Variants in CCNH observed in about 807,000 individuals in gnomAD.
CCNH encodes the protein cyclin H, also known as cyclin-H.
CCNH carries 31 observed loss-of-function variants against 41.9 expected under a neutral mutation model. That is an observed-to-expected ratio of 0.74 (90% confidence interval 0.56 to 1.00). CCNH has a LOEUF of 1.00. Among genes scored for constraint, CCNH ranks in the 50% least tolerant of loss-of-function variants. The pLI, the probability that CCNH is intolerant of heterozygous loss-of-function variation, is 0.00. For synonymous variants in CCNH, 138 were observed against 136.1 expected, an observed-to-expected ratio of 1.01 and a Z score of -0.10; for missense variants, 362 against 388.4, an observed-to-expected ratio of 0.93 and a Z score of 0.57.
rs748711308 is a variant in CCNH at position 87,401,679 on chromosome 5, G to T, written c.760+23C>A. 8 of 1,435,406 alleles carry T rather than the reference G, an allele frequency of 5.6e-6. No homozygotes were observed. In the African/African-American group the frequency reaches 1.0e-4, roughly 18 times the overall value. The allele number at this position is 1,435,406 out of a possible 1,614,324, so 88.9% of individuals were successfully genotyped here. ...AGCTTTGTATTGGAAGAAACATTTT[G>T]TAAAGTGTTCTCTTTTACTTACTTT... On this transcript the variant is annotated intron_variant, in intron 6 of 8. Transcript: ENST00000256897.
At chr5:87,338,595 C>T (rs1023550801) in intron 9 of CCNH, among the ~76,000 whole-genome samples, 14 of 144,594 alleles carry the variant, frequency 9.7e-5, no homozygotes, top group Admixed American at 6.3e-4. Context: ...TGGTCTCAAA[C>T]GCCTGACCTC....
In CCNH at chr5:87,412,819, G is replaced by T. The variant is rs766703143; in HGVS notation, c.-25C>A. ...TTATGGAATCGTGACCAGGTCCAGA[G>T]GGTCTGCAGACGAGAACCCAAACGC... On this transcript the variant is annotated 5_prime_UTR_variant, in exon 1 of 9. Transcript: ENST00000256897. 3.1e-6 allele frequency: 5 copies of T among 1,609,718 alleles called. No homozygotes were observed. The highest frequency in any genetic ancestry group is 4.2e-6 in the Non-Finnish European group (5 of 1,176,590).
intron 4 of CCNH, among the ~76,000 whole-genome samples, chr5:87,407,313 AC>A (rs1246091620): frequency 1.1e-4 from 16 of 152,176 alleles, no homozygotes; most frequent in African/African-American, 3.6e-4. Context: ...AAAAGTTGAG[AC>A]TGTTCCTGTC....
chr5:87,400,307 T>A (rs1561347962), intron 6 of CCNH, among the ~76,000 whole-genome samples: 1 of 152,218 alleles, frequency 6.6e-6, no homozygotes, highest in African/African-American at 2.4e-5. Flanking sequence ...TTCCAAAAAT[T>A]ACAAATATCT....
chr5:87,331,452 C>T lies in CCNH; in HGVS notation c.*91-12555G>A, dbSNP rs1399533599. ...AGAGAGAGTGATCGGAGGCCAGGGT[C>T]CTTTGTACTTTCATTTCTTAGCCAG... On this transcript the variant is annotated intron_variant and NMD_transcript_variant, in intron 9 of 9. Transcript: ENST00000645953. The T allele has an allele frequency of 6.8e-6, 11 of 1,613,828 alleles. No homozygotes were observed. Among genetic ancestry groups the T allele is most frequent in the African/African-American group, 1.3e-5 (1 of 75,022 alleles).
intron 9 of CCNH, among the ~76,000 whole-genome samples, chr5:87,346,182 A>G (rs1052676150): frequency 1.3e-5 from 2 of 152,044 alleles, no homozygotes; most frequent in East Asian, 3.9e-4. Flanking sequence ...TGATGGTGCT[A>G]TCCACTCATT....
chr5:87,394,226 T>C, downstream of CCNH: 1 of 1,200,956 alleles, frequency 8.3e-7, no homozygotes, highest in African/African-American at 1.6e-5. Flanking sequence ...TTTAATTTGA[T>C]ATTAGTCACG....
At chr5:87,351,324 A>C (rs1759259412) in intron 9 of CCNH, among the ~76,000 whole-genome samples, 1 of 151,766 alleles carries the variant, frequency 6.6e-6, no homozygotes, top group Admixed American at 6.6e-5. Flanking sequence ...ATTAGTGCTC[A>C]GGTTTATTAG....
upstream of CCNH, among the ~76,000 whole-genome samples, chr5:87,377,568 T>G (rs911161894): frequency 1.3e-5 from 2 of 152,000 alleles, no homozygotes; most frequent in Non-Finnish European, 2.9e-5. Context: ...AACTCCTGAC[T>G]TCAGGTGATC....
At chr5:87,324,413 C>T (rs996079267) in intron 9 of CCNH, among the ~76,000 whole-genome samples, 3 of 152,086 alleles carry the variant, frequency 2.0e-5, no homozygotes, top group African/African-American at 7.2e-5. Flanking sequence ...AAAAACTTCA[C>T]AATCATGGTT....
chr5:87,321,585 A>T (rs1328952127), intron 9 of CCNH, among the ~76,000 whole-genome samples: 1 of 152,224 alleles, frequency 6.6e-6, no homozygotes, highest in African/African-American at 2.4e-5. Flanking sequence ...ATTATGAAGG[A>T]TATGTTAAAG....
Position 87,411,294 on chromosome 5 carries a change from CAG to C in CCNH, c.168_169del (p.Cys57GlnfsTer4), listed in dbSNP as rs1355334422. 1.2e-5 allele frequency: 19 copies of C among 1,612,432 alleles called. No individual in the cohort carries two copies. In the African/African-American group the frequency reaches 1.5e-4, roughly 12 times the overall value. On this transcript the variant is annotated frameshift_variant, in exon 2 of 9. Transcript: ENST00000256897. LOFTEE classifies it high-confidence loss of function. ...CAATAACCTTTTCTCATAGTATTTG[CAG>C]AGTGTCATTTCTTCATGAGGCTCAA... is the stretch of plus-strand genomic sequence containing the variant.
chr5:87,321,277 G>A (rs1446505469), intron 9 of CCNH, among the ~76,000 whole-genome samples: 2 of 152,150 alleles, frequency 1.3e-5, no homozygotes, highest in Non-Finnish European at 2.9e-5. Context: ...TCAACACAGA[G>A]GACTTCTGTG....
rs973113312 is a variant in CCNH at position 87,324,957 on chromosome 5, A to AT, written c.*91-6061dup. On this transcript the variant is annotated intron_variant and NMD_transcript_variant, in intron 9 of 9. Coordinates refer to the CCNH transcript ENST00000645953. The stretch of plus-strand genomic sequence containing the variant: ...AATCAGTTGCTTTTTTAATTTTTTT[A>AT]TTTTTTTTTAACCTTTAGCAGACTG... Among the ~76,000 whole-genome samples the AT allele has an allele frequency of 5.4e-4, 82 of 150,920 alleles. 1 individual carries two copies. The highest frequency in any genetic ancestry group is 1.9e-4 in the Non-Finnish European group (13 of 67,630).
downstream of CCNH, chr5:87,374,048 A>C: frequency 1.1e-6 from 1 of 941,254 alleles, no homozygotes; most frequent in Middle Eastern, 4.2e-4. Context: ...TCTGAAAAAA[A>C]AGGGGAAAAT....
chr5:87,411,392 T>G (rs756449369), intron 1 of CCNH, 46 bp from the exon 2 acceptor site: 1 of 1,547,402 alleles, frequency 6.5e-7, no homozygotes, highest in Non-Finnish European at 8.7e-7. Flanking sequence ...TTCAATGAAT[T>G]AAACAATTGT....
downstream of CCNH, among the ~76,000 whole-genome samples, chr5:87,317,294 G>T (rs1439688985): frequency 6.6e-6 from 1 of 152,026 alleles, no homozygotes; most frequent in Admixed American, 6.6e-5. Flanking sequence ...TAGCTGCTCT[G>T]CTTTGCCATT....
intron 7 of CCNH, among the ~76,000 whole-genome samples, chr5:87,398,954 T>C (rs970100681): frequency 3.4e-5 from 5 of 148,348 alleles, no homozygotes; most frequent in Admixed American, 6.8e-5. Flanking sequence ...GTCTGGGCAA[T>C]AGAGCGAGAC....
At chr5:87,382,777 A>G (rs1181632061) in intron 9 of CCNH, among the ~76,000 whole-genome samples, 3 of 152,108 alleles carry the variant, frequency 2.0e-5, no homozygotes, top group Admixed American at 6.6e-5. Context: ...TAGAATTCCT[A>G]ATGTCTTGTC....
Sources: allele counts gnomAD v4.1 joint callset (sites outside exome capture counted in the v4.1 genomes callset), GRCh38; gene constraint gnomAD v4.1.1; transcripts MANE v1.5; gene names NCBI Gene and HGNC (gene_info 2026-07-23, HGNC 2026-07-21).